DAOA: variants seen among roughly 807,000 people sequenced by gnomAD.
The protein encoded by DAOA is D-amino acid oxidase regulator.
A neutral mutation model predicts 16.4 loss-of-function variants in DAOA; 15 were observed. That is an observed-to-expected ratio of 0.91 (90% CI 0.61 to 1.41). The LOEUF (loss-of-function observed/expected upper bound fraction) is 1.41, where lower values mean the gene tolerates loss of function less well. Among genes scored for constraint, DAOA ranks in the 40% most tolerant of loss-of-function variants. DAOA has a pLI of 0.00. For synonymous variants in DAOA, 75 were observed against 59.1 expected, an observed-to-expected ratio of 1.27 and a Z score of -1.23; for missense variants, 230 against 176.8, an observed-to-expected ratio of 1.30 and a Z score of -1.71.
At chr13:105,471,047 C>T (rs1226029471) in intron 3 of DAOA, among the ~76,000 whole-genome samples, 1 of 152,116 alleles carries the variant, frequency 6.6e-6, no homozygotes, top group Non-Finnish European at 1.5e-5. Context: ...CTCGGCCTCC[C>T]AAAATGCTGG....
chr13:105,473,256 A>T (rs1484710622), intron 4 of DAOA, among the ~76,000 whole-genome samples: 2 of 151,974 alleles, frequency 1.3e-5, no homozygotes, highest in Non-Finnish European at 2.9e-5. Flanking sequence ...ACCCCCTAGT[A>T]CTGAAGCTCT....
At chr13:105,468,010 C>T (rs186449390) in intron 3 of DAOA, among the ~76,000 whole-genome samples, 2 of 152,154 alleles carry the variant, frequency 1.3e-5, no homozygotes, top group Non-Finnish European at 2.9e-5. Context: ...CATTCTCTTG[C>T]CTGCCCCAGC....
At chr13:105,475,604 G>T (rs973903594) in intron 4 of DAOA, among the ~76,000 whole-genome samples, 2 of 152,142 alleles carry the variant, frequency 1.3e-5, no homozygotes, top group Non-Finnish European at 2.9e-5. Context: ...TCATTCCATG[G>T]CATGCTGTAA....
chr13:105,489,644 C>A, intron 4 of DAOA: 1 of 773,468 alleles, frequency 1.3e-6, no homozygotes, highest in Non-Finnish European at 2.0e-6. Flanking sequence ...TCAGGCAATT[C>A]CTACAATTCT....
intron 3 of DAOA, among the ~76,000 whole-genome samples, chr13:105,471,200 T>A (rs1464051055): frequency 6.6e-6 from 1 of 152,142 alleles, no homozygotes; most frequent in African/African-American, 2.4e-5. Context: ...GCTGGGATTA[T>A]AGAAGATGTG....
chr13:105,484,834 T>G (rs529171188), intron 4 of DAOA, among the ~76,000 whole-genome samples: 2 of 152,298 alleles, frequency 1.3e-5, no homozygotes, highest in South Asian at 4.1e-4. Flanking sequence ...AATTTCAATA[T>G]CAAATTAAAT....
chr13:105,466,570 C>A, intron 2 of DAOA: 1 of 616,730 alleles, frequency 1.6e-6, no homozygotes, highest in Non-Finnish European at 2.7e-6. Flanking sequence ...CCTCACCTAT[C>A]CCTGGGAGGA....
intron 4 of DAOA, chr13:105,489,660 C>CT: frequency 1.1e-6 from 1 of 892,850 alleles, no homozygotes; most frequent in Non-Finnish European, 1.6e-6. Context: ...ATTCTTTATG[C>CT]TTTTTCACAG....
rs1452630160 is a variant in DAOA at position 105,466,078 on chromosome 13, A to G, written c.-74+18A>G. ...ATGTGTGTGTGAGTAGTCATTGGATACATACATAACAGTGAGCAAGTTTAT... is the reference window on the plus strand; with the variant it reads ...ATGTGTGTGTGAGTAGTCATTGGATGCATACATAACAGTGAGCAAGTTTAT... On this transcript the variant is annotated intron_variant, in intron 1 of 5. Transcript: ENST00000375936. 1.7e-6 allele frequency: 1 copy of G among 591,132 alleles called. No homozygotes were observed. The highest frequency in any genetic ancestry group is 3.7e-5 in the Admixed American group (1 of 27,006). 36.6% of individuals were successfully genotyped at this position (591,132 alleles called of 1,614,324 possible).
intron 4 of DAOA, chr13:105,475,044 G>A (rs1195523409): frequency 3.0e-6 from 3 of 985,690 alleles, no homozygotes; most frequent in Non-Finnish European, 2.4e-6. Context: ...GATATTTGCT[G>A]GGCACTTTAT....
At chr13:105,483,863 T>C (rs988138648) in intron 4 of DAOA, among the ~76,000 whole-genome samples, 4 of 152,136 alleles carry the variant, frequency 2.6e-5, no homozygotes, top group Admixed American at 6.5e-5. Context: ...TTTTTTGTTG[T>C]TGCGATTGTT....
chr13:105,488,937 G>C (rs903503736), intron 4 of DAOA, among the ~76,000 whole-genome samples: 3 of 152,164 alleles, frequency 2.0e-5, no homozygotes, highest in Non-Finnish European at 4.4e-5. Context: ...TTCTTCCTAT[G>C]CACAAGGCAC....
At chr13:105,475,874 A>C (rs1415402571) in intron 4 of DAOA, among the ~76,000 whole-genome samples, 1 of 152,240 alleles carries the variant, frequency 6.6e-6, no homozygotes, top group Middle Eastern at 3.2e-3. Context: ...TACAGAACTT[A>C]GCAGGAAAAA....
At chr13:105,469,543 G>T (rs1169275886) in intron 3 of DAOA, among the ~76,000 whole-genome samples, 1 of 152,162 alleles carries the variant, frequency 6.6e-6, no homozygotes. Context: ...GAAGTAATGA[G>T]CTTATTATAG....
intron 4 of DAOA, among the ~76,000 whole-genome samples, chr13:105,476,502 T>TAAAAA (rs34460836): frequency 9.3e-5 from 12 of 128,362 alleles, no homozygotes; most frequent in African/African-American, 1.8e-4. Flanking sequence ...CATGAATCTG[T>TAAAAA]AAAAAAAAAA....
At chr13:105,472,343 A>G (rs1325434498) in intron 3 of DAOA, among the ~76,000 whole-genome samples, 195 bp from the exon 4 acceptor site, 1 of 152,230 alleles carries the variant, frequency 6.6e-6, no homozygotes, top group African/African-American at 2.4e-5. Flanking sequence ...GCTTAATCTC[A>G]AAACACAGAT....
intron 3 of DAOA, among the ~76,000 whole-genome samples, chr13:105,469,165 T>A (rs1444177221): frequency 6.6e-6 from 1 of 152,174 alleles, no homozygotes; most frequent in Non-Finnish European, 1.5e-5. Context: ...TAGGGTTCAA[T>A]AATATTCATA....
At position 105,476,193 on chromosome 13, in the gene DAOA, G is replaced by T. The variant is rs1168725143; in HGVS notation, c.281+3508G>T. ...GGAAAACCAATGAGAGAAGAAAAAA[G>T]AAATTCTCATCTGAAACTTGAACTT... On this transcript the variant is annotated intron_variant, in intron 4 of 5. Coordinates refer to ENST00000375936, the MANE Select transcript of DAOA (RefSeq NM_172370.5). 2.6e-5 allele frequency among the ~76,000 whole-genome samples: 4 copies of T among 152,002 alleles called. No individual in the cohort carries two copies. In the East Asian group the frequency reaches 7.7e-4, roughly 29 times the overall value.
rs142364495 is a variant in DAOA at position 105,472,177 on chromosome 13, G to A, written c.134-361G>A. On this transcript the variant is annotated intron_variant, in intron 3 of 5. Transcript: ENST00000375936. ...GGAGCTTTGGAAAGGCTATGCACATGTTATTTAAGTATGGTATAGGCAATC... is the reference window on the plus strand; with the variant it reads ...GGAGCTTTGGAAAGGCTATGCACATATTATTTAAGTATGGTATAGGCAATC... Among the ~76,000 whole-genome samples the A allele has an allele frequency of 1.3e-3, 202 of 152,308 alleles. 1 individual carries two copies. The highest frequency in any genetic ancestry group is 4.6e-3 in the African/African-American group (190 of 41,572).
Sources: allele counts gnomAD v4.1 joint callset (sites outside exome capture counted in the v4.1 genomes callset), GRCh38; gene constraint gnomAD v4.1.1; transcripts MANE v1.5; gene names NCBI Gene and HGNC (gene_info 2026-07-23, HGNC 2026-07-21).